Variants in TXNRD2 observed in about 807,000 individuals in gnomAD.
TXNRD2 encodes thioredoxin reductase 2, mitochondrial.
TXNRD2 carries 67 observed loss-of-function variants against 70.8 expected under a neutral mutation model. The ratio of observed to expected loss-of-function variants is 0.95; its 90% CI spans 0.78 to 1.16. TXNRD2 has a LOEUF of 1.16. Ranked by LOEUF, TXNRD2 falls within the 50% of genes most tolerant of loss-of-function variation. TXNRD2 has a pLI of 0.00. For missense variants in TXNRD2, 644 were observed against 719.9 expected, an observed-to-expected ratio of 0.89 and a Z score of 1.21; for synonymous variants, 301 against 295.8, an observed-to-expected ratio of 1.02 and a Z score of -0.18.
At chr22:19,925,666 C>G (rs1941112242) in intron 2 of TXNRD2, among the ~76,000 whole-genome samples, 2 of 151,568 alleles carry the variant, frequency 1.3e-5, no homozygotes, top group Admixed American at 1.3e-4. Context: ...AGGTACATGC[C>G]ATAAACCCTA....
Position 19,915,225 on chromosome 22 carries a change from A to G in TXNRD2, c.580T>C (p.Tyr194His), listed in dbSNP as rs1262770967. Reference protein sequence around the residue: ...IIIATGGRPRYPTHIEGALEY... With the variant: ...IIIATGGRPRHPTHIEGALEY... Reference sequence around the variant, plus strand: ...CTGGGGACACTCACGTGCGTGGGGTATCTCGGCCGCCCTCCAGTAGCAATG... The same window carrying G: ...CTGGGGACACTCACGTGCGTGGGGTGTCTCGGCCGCCCTCCAGTAGCAATG... Residue 194 changes from tyrosine to histidine, a missense_variant, in exon 7 of 18, where the codon TAC becomes CAC. Around this residue, in one of 3 missense-constraint regions of TXNRD2, gnomAD observed 566 missense variants for 645.0 expected, o/e 0.88. Coordinates refer to ENST00000400521, the MANE Select transcript of TXNRD2 (RefSeq NM_006440.5). The G allele has an allele frequency of 1.9e-6, 3 of 1,613,924 alleles. No homozygotes were observed. In the Admixed American group the frequency reaches 5.0e-5, roughly 27 times the overall value.
intron 7 of TXNRD2, among the ~76,000 whole-genome samples, chr22:19,912,888 T>C (rs1940476252): frequency 6.6e-6 from 1 of 152,150 alleles, no homozygotes; most frequent in Non-Finnish European, 1.5e-5. Flanking sequence ...ATCCAAGAAG[T>C]GGCAGAACCT....
intron 2 of TXNRD2, among the ~76,000 whole-genome samples, chr22:19,926,401 A>T (rs988654056): frequency 1.3e-5 from 2 of 151,832 alleles, no homozygotes; most frequent in African/African-American, 4.8e-5. Flanking sequence ...GAGGCAGGAG[A>T]ATCATTTGAG....
At chr22:19,887,397 A>C (rs142046081) in intron 11 of TXNRD2, 2 of 152,426 alleles carry the variant, frequency 1.3e-5, no homozygotes, top group African/African-American at 4.8e-5. Context: ...GCTGAGCGGC[A>C]CAGCTACATC....
At chr22:19,919,851 C>T (rs768309569) in intron 2 of TXNRD2, among the ~76,000 whole-genome samples, 49 of 105,772 alleles carry the variant, frequency 4.6e-4, no homozygotes, top group Admixed American at 3.6e-3. Flanking sequence ...CACCCAGCTG[C>T]GCTGCCCACA....
rs1385776352 is a variant in TXNRD2, at chr22:19,924,950, G to C, written c.173-5351C>G. On this transcript the variant is annotated intron_variant, in intron 2 of 17. Coordinates refer to ENST00000400521, the MANE Select transcript of TXNRD2 (RefSeq NM_006440.5). ...TTCTCACTGGAAACAATGCAAGCCAGAAGTCAGAGGGGCAAAATTTTTAAA... is the reference window on the plus strand; with the variant it reads ...TTCTCACTGGAAACAATGCAAGCCACAAGTCAGAGGGGCAAAATTTTTAAA... Among the ~76,000 whole-genome samples, 56 of 149,122 alleles carry C rather than the reference G, an allele frequency of 3.8e-4. 1 individual carries two copies. The highest frequency in any genetic ancestry group is 1.3e-4 in the Non-Finnish European group (9 of 67,610).
chr22:19,892,104 C>T (rs1435787738), intron 11 of TXNRD2, among the ~76,000 whole-genome samples: 1 of 152,364 alleles, frequency 6.6e-6, no homozygotes, highest in South Asian at 2.1e-4. Context: ...CTTGTGCGGA[C>T]GTAGTGCACA....
intron 8 of TXNRD2, 64 bp downstream of exon 8, chr22:19,911,313 T>C (rs879096552): frequency 7.6e-7 from 1 of 1,315,092 alleles, no homozygotes; most frequent in Non-Finnish European, 1.1e-6. Flanking sequence ...GCACAGGCTC[T>C]AAGGGTCCAG....
chr22:19,905,171 A>T (rs906812785), intron 8 of TXNRD2, among the ~76,000 whole-genome samples: 2 of 152,218 alleles, frequency 1.3e-5, no homozygotes, highest in Non-Finnish European at 2.9e-5. Flanking sequence ...TCACAGAAGC[A>T]TCGTACAGGG....
At position 19,880,257 on chromosome 22, in the gene TXNRD2, G is replaced by C; in HGVS notation, c.1197C>G (p.Val399=). 3 of 1,613,652 alleles carry C rather than the reference G, an allele frequency of 1.9e-6. No homozygotes were observed. Among genetic ancestry groups the C allele is most frequent in the Non-Finnish European group, 1.7e-6 (2 of 1,180,014 alleles). Residue 399 remains valine (V), a synonymous_variant, in exon 14 of 18, where the codon GTC becomes GTG. Transcript: ENST00000400521. ...CACAGCCATACTCCAGCGGGGTGAAGACGGTCGTGGGAACCTGAAAGCAGG... is the reference window on the plus strand; with the variant it reads ...CACAGCCATACTCCAGCGGGGTGAACACGGTCGTGGGAACCTGAAAGCAGG... ...LMDYDNVPTT[V]FTPLEYGCVG...
intron 2 of TXNRD2, among the ~76,000 whole-genome samples, chr22:19,925,026 T>C (rs947442524): frequency 1.1e-4 from 17 of 150,004 alleles, no homozygotes; most frequent in East Asian, 3.9e-4. Flanking sequence ...GGCTCACGCC[T>C]GTAATCCCAG....
chr22:19,909,609 ACACAC>A (rs1940244489), intron 8 of TXNRD2, among the ~76,000 whole-genome samples: 2 of 127,934 alleles, frequency 1.6e-5, no homozygotes, highest in African/African-American at 3.0e-5. Context: ...ACTCACACAC[ACACAC>A]CACACACACC....
At chr22:19,882,383 T>C (rs1938818723) in intron 12 of TXNRD2, among the ~76,000 whole-genome samples, 1 of 152,142 alleles carries the variant, frequency 6.6e-6, no homozygotes, top group Non-Finnish European at 1.5e-5. Flanking sequence ...ATTTTTTTAG[T>C]AGAGACGGTT....
chr22:19,921,335 A>G (rs1940906248), intron 2 of TXNRD2, among the ~76,000 whole-genome samples: 1 of 148,560 alleles, frequency 6.7e-6, no homozygotes, highest in Non-Finnish European at 1.5e-5. Context: ...GGATGGCTTG[A>G]GCTTAGCAGG....
chr22:19,888,174 C>T (rs979588791), intron 11 of TXNRD2, among the ~76,000 whole-genome samples: 3 of 152,224 alleles, frequency 2.0e-5, no homozygotes, highest in Non-Finnish European at 4.4e-5. Context: ...GCACCCCTGA[C>T]GCAGGACAGC....
At chr22:19,917,186 A>G (rs912518026) in intron 5 of TXNRD2, among the ~76,000 whole-genome samples, 3 of 152,148 alleles carry the variant, frequency 2.0e-5, no homozygotes, top group African/African-American at 7.2e-5. Flanking sequence ...GTGGCTCCGG[A>G]GCAGGCAGTG....
chr22:19,919,567 C>A lies in TXNRD2; in HGVS notation c.205G>T (p.Asp69Tyr), dbSNP rs768403549. 2 of 1,563,466 alleles carry A rather than the reference C, an allele frequency of 1.3e-6. No individual in the cohort carries two copies. Among genetic ancestry groups the A allele is most frequent in the Admixed American group, 1.9e-5 (1 of 52,238 alleles). ...AQLGRKVAVV[D>Y]YVEPSPQGTR... ...CCTTGGGGAGAAGGTTCCACGTAGT[C>A]CACCACGGCCACCTTCCTTCCCAGC... Residue 69 changes from aspartate (D) to tyrosine (Y), a missense_variant, in exon 3 of 18, where the codon GAC becomes TAC. Transcript: ENST00000400521.
At chr22:19,924,969 T>G (rs1414298392) in intron 2 of TXNRD2, among the ~76,000 whole-genome samples, 1 of 147,028 alleles carries the variant, frequency 6.8e-6, no homozygotes, top group East Asian at 2.0e-4. Flanking sequence ...GGGGCAAAAT[T>G]TTTAAAGTAC....
At chr22:19,913,887 A>G (rs954016531) in intron 7 of TXNRD2, among the ~76,000 whole-genome samples, 12 of 152,202 alleles carry the variant, frequency 7.9e-5, no homozygotes, top group Non-Finnish European at 1.3e-4. Flanking sequence ...GGAAATCTCC[A>G]TGCAGTTCTT....
Sources: allele counts gnomAD v4.1 joint callset (sites outside exome capture counted in the v4.1 genomes callset), GRCh38; gene constraint gnomAD v4.1.1; regional missense constraint gnomAD v4.1.1; transcripts MANE v1.5; gene names NCBI Gene and HGNC (gene_info 2026-07-23, HGNC 2026-07-21).